VAMP4: variants seen among roughly 807,000 people sequenced by gnomAD.
VAMP4 encodes the protein vesicle-associated membrane protein 4.
Under a neutral mutation model 23.5 loss-of-function variants are expected in VAMP4, and 19 were observed. The ratio of observed to expected loss-of-function variants is 0.81; its 90% CI spans 0.56 to 1.19. The LOEUF is 1.19. Among genes scored for constraint, VAMP4 ranks in the 50% most tolerant of loss-of-function variants. VAMP4 has a pLI of 0.00. For synonymous variants in VAMP4, 31 were observed against 51.0 expected, an observed-to-expected ratio of 0.61 and a Z score of 1.67; for missense variants, 145 against 168.6, an observed-to-expected ratio of 0.86 and a Z score of 0.78.
chr1:171,738,553 G>T, intron 1 of VAMP4, 90 bp from the exon 2 acceptor site: 1 of 772,146 alleles, frequency 1.3e-6, no homozygotes. Flanking sequence ...CTGTATGACA[G>T]GGACTCCCTC....
intron 2 of VAMP4, among the ~76,000 whole-genome samples, chr1:171,736,723 T>C (rs572339976): frequency 6.6e-6 from 1 of 152,116 alleles, no homozygotes; most frequent in Non-Finnish European, 1.5e-5. Context: ...ATGTCTGTAA[T>C]CCCAGCACTT....
intron 3 of VAMP4, among the ~76,000 whole-genome samples, chr1:171,723,084 C>A (rs925022019): frequency 6.6e-6 from 1 of 152,116 alleles, no homozygotes; most frequent in African/African-American, 2.4e-5. Flanking sequence ...GTGATGCCCC[C>A]CTACGCCGCA....
chr1:171,726,193 A>G (rs1309882155), intron 3 of VAMP4, among the ~76,000 whole-genome samples: 1 of 151,786 alleles, frequency 6.6e-6, no homozygotes, highest in Non-Finnish European at 1.5e-5. Context: ...CTGGGTCTAT[A>G]GGCATGTGCC....
intron 7 of VAMP4, among the ~76,000 whole-genome samples, chr1:171,705,878 A>G (rs969291058): frequency 3.2e-4 from 49 of 152,276 alleles, no homozygotes; most frequent in African/African-American, 1.2e-3. Context: ...TAATGATGGA[A>G]ATTATGCTCA....
chr1:171,702,421 A>G lies in VAMP4; in HGVS notation c.*2085T>C, dbSNP rs1370672796. 2 of 152,030 alleles carry G rather than the reference A, an allele frequency of 1.3e-5. No homozygotes were observed. The highest frequency in any genetic ancestry group is 1.3e-4 in the Admixed American group (2 of 15,262). 9.4% of individuals were successfully genotyped at this position (152,030 alleles called of 1,614,324 possible). ...TTACTGTTACTTATTATTTAAATTT[A>G]AAAATTTTATAATTTTACATTTTGT... On this transcript the variant is annotated 3_prime_UTR_variant, in exon 8 of 8. Transcript: ENST00000236192.
At chr1:171,738,782 C>T (rs540428489) in intron 1 of VAMP4, among the ~76,000 whole-genome samples, 1 of 152,294 alleles carries the variant, frequency 6.6e-6, no homozygotes, top group Non-Finnish European at 1.5e-5. Flanking sequence ...AAATGCTTTA[C>T]AATTTAAAGT....
Position 171,731,575 on chromosome 1 carries a change from A to T in VAMP4, c.67-3005T>A, listed in dbSNP as rs1477532357. ...GCTGAGATCCAAATAACAAAGAGCC[A>T]GCCAAAGATCAGGGTGAAGAGCATT... On this transcript the variant is annotated intron_variant, in intron 2 of 7. Transcript: ENST00000236192. 6.6e-5 allele frequency among the ~76,000 whole-genome samples: 10 copies of T among 152,330 alleles called. No individual in the cohort carries two copies. In the East Asian group the frequency reaches 1.9e-3, roughly 29 times the overall value.
chr1:171,703,337 G>A lies in VAMP4; in HGVS notation c.*1169C>T, dbSNP rs1654511899. 6.8e-6 allele frequency: 1 copy of A among 147,364 alleles called. No homozygotes were observed. Among genetic ancestry groups the A allele is most frequent in the South Asian group, 2.1e-4 (1 of 4,652 alleles). The allele number at this position is 147,364 out of a possible 1,614,324, so 9.1% of individuals were successfully genotyped here. The stretch of plus-strand genomic sequence containing the variant: ...TTTTTCATTATAAAAACAGGCTTAG[G>A]TTAATGGTCACTCTCTAGCATTTGG... On this transcript the variant is annotated 3_prime_UTR_variant, in exon 8 of 8. Coordinates refer to ENST00000236192, the MANE Select transcript of VAMP4 (RefSeq NM_003762.5).
At chr1:171,733,330 G>A (rs1403459750) in intron 2 of VAMP4, among the ~76,000 whole-genome samples, 1 of 150,994 alleles carries the variant, frequency 6.6e-6, no homozygotes, top group Non-Finnish European at 1.5e-5. Context: ...ATTAGGCGTG[G>A]TGGTGTATGC....
intron 3 of VAMP4, among the ~76,000 whole-genome samples, chr1:171,725,914 C>T (rs1655351402): frequency 1.3e-5 from 2 of 152,066 alleles, no homozygotes; most frequent in Admixed American, 6.5e-5. Flanking sequence ...TCTCGAACTC[C>T]TGACCTCAGG....
At chr1:171,720,425 A>C in intron 3 of VAMP4, among the ~76,000 whole-genome samples, 1 of 152,052 alleles carries the variant, frequency 6.6e-6, no homozygotes, top group East Asian at 1.9e-4. Flanking sequence ...CAAAATACTT[A>C]TAGAAAAACA....
chr1:171,736,789 C>A (rs1473795771), intron 2 of VAMP4, among the ~76,000 whole-genome samples: 1 of 152,128 alleles, frequency 6.6e-6, no homozygotes, highest in Non-Finnish European at 1.5e-5. Flanking sequence ...CCAGCCTGGG[C>A]AACACGGCAA....
At chr1:171,706,730 T>C (rs542729603) in intron 6 of VAMP4, among the ~76,000 whole-genome samples, 5 of 152,314 alleles carry the variant, frequency 3.3e-5, no homozygotes, top group African/African-American at 4.8e-5. Context: ...ATTGAACCAT[T>C]TGAATTGCAT....
intron 3 of VAMP4, among the ~76,000 whole-genome samples, chr1:171,724,423 G>A (rs1269137856): frequency 6.6e-6 from 1 of 152,048 alleles, no homozygotes; most frequent in Non-Finnish European, 1.5e-5. Context: ...GCATACATAT[G>A]TAACAAACCT....
intron 3 of VAMP4, among the ~76,000 whole-genome samples, chr1:171,722,942 C>T (rs1008934930): frequency 2.6e-5 from 4 of 152,002 alleles, no homozygotes; most frequent in African/African-American, 4.8e-5. Context: ...GAACCACCCC[C>T]GATAATTCAA....
rs1283723628 is a variant in VAMP4, at chr1:171,706,366, C to T, written c.397+1G>A. The T allele has an allele frequency of 6.2e-7, 1 of 1,607,412 alleles. No homozygotes were observed. The highest frequency in any genetic ancestry group is 1.1e-5 in the South Asian group (1 of 89,910). ...GAAGTAATAATCCAATAAATACTTACTGATAATCACTAGCAAAAGGATAGC... is the reference window on the plus strand; with the variant it reads ...GAAGTAATAATCCAATAAATACTTATTGATAATCACTAGCAAAAGGATAGC... On this transcript the variant is annotated splice_donor_variant, in intron 7 of 7. Coordinates refer to ENST00000236192, the MANE Select transcript of VAMP4 (RefSeq NM_003762.5). LOFTEE classifies it high-confidence loss of function.
At chr1:171,712,456 AAGT>A (rs1467983654) in intron 4 of VAMP4, among the ~76,000 whole-genome samples, 1 of 152,170 alleles carries the variant, frequency 6.6e-6, no homozygotes, top group Non-Finnish European at 1.5e-5. Flanking sequence ...TCTCAGATTC[AAGT>A]AGCAATTACT....
intron 4 of VAMP4, among the ~76,000 whole-genome samples, chr1:171,712,615 G>A (rs1161562332): frequency 2.6e-5 from 4 of 152,146 alleles, no homozygotes; most frequent in African/African-American, 7.2e-5. Flanking sequence ...TAAGACTGAA[G>A]CTCAACAAAG....
intron 4 of VAMP4, among the ~76,000 whole-genome samples, chr1:171,713,148 C>A (rs1654906301): frequency 6.6e-6 from 1 of 152,094 alleles, no homozygotes; most frequent in Admixed American, 6.6e-5. Context: ...AATAAATGAA[C>A]AGTTTGAGTA....
Sources: allele counts gnomAD v4.1 joint callset (sites outside exome capture counted in the v4.1 genomes callset), GRCh38; gene constraint gnomAD v4.1.1; transcripts MANE v1.5; gene names NCBI Gene and HGNC (gene_info 2026-07-23, HGNC 2026-07-21).